The following IRS1 variants were observed in gnomAD, a reference collection of about 807,000 sequenced individuals.
The protein encoded by IRS1 is insulin receptor substrate 1.
In IRS1, 34 loss-of-function variants were observed where a neutral mutation model predicts 65.6. The observed-to-expected ratio is 0.52, with a 90% CI of 0.39 to 0.69. The LOEUF (loss-of-function observed/expected upper bound fraction) is 0.69, where lower values mean the gene tolerates loss of function less well. Ranked by LOEUF, IRS1 falls within the 30% of genes least tolerant of loss-of-function variation. The pLI is 0.00. For missense variants in IRS1, 1,641 were observed against 1,720.2 expected, an observed-to-expected ratio of 0.95 and a Z score of 0.81; for synonymous variants, 699 against 683.5, an observed-to-expected ratio of 1.02 and a Z score of -0.35.
intron 1 of IRS1, among the ~76,000 whole-genome samples, chr2:226,758,451 C>G (rs1205301676): frequency 1.3e-5 from 2 of 152,018 alleles, no homozygotes; most frequent in Non-Finnish European, 2.9e-5. Context: ...GTCATATTAC[C>G]TTTTAGCCTA....
intron 1 of IRS1, among the ~76,000 whole-genome samples, chr2:226,789,019 T>G (rs1010522133): frequency 9.9e-5 from 15 of 152,198 alleles, no homozygotes; most frequent in African/African-American, 3.4e-4. Context: ...TCAAGCATGA[T>G]TCACAAGAAG....
rs768132953 is a variant in IRS1 at position 226,798,357 on chromosome 2, CGAG to C, written c.379_381del (p.Leu127del). On this transcript the variant is annotated inframe_deletion, in exon 1 of 2. Transcript: ENST00000305123. This position sits in a 1 kb window ranked among gnomAD's most constrained non-coding sequence, Gnocchi z 9.4. ...CAGCTGCCCCCACCACCTCCCGCCC[CGAG>C]GGCCGCAGCTCCGTCGTGGTGGCCC... is the stretch of plus-strand genomic sequence containing the variant. The C allele has an allele frequency of 6.2e-7, 1 of 1,613,594 alleles. No homozygotes were observed. Among genetic ancestry groups the C allele is most frequent in the Admixed American group, 1.7e-5 (1 of 60,012 alleles).
At chr2:226,792,908 T>C (rs1286880114) in intron 1 of IRS1, among the ~76,000 whole-genome samples, 1 of 152,206 alleles carries the variant, frequency 6.6e-6, no homozygotes, top group Non-Finnish European at 1.5e-5. Context: ...CAGGTAGCAT[T>C]TGGTGCCTCA....
chr2:226,736,278 AC>A (rs1559145272), intron 1 of IRS1, 28 bp from the exon 2 acceptor site: 2 of 152,246 alleles, frequency 1.3e-5, no homozygotes, highest in Admixed American at 6.5e-5. Context: ...AGAATTCAGC[AC>A]CACAGGTATC....
chr2:226,799,087 G>T lies in IRS1; in HGVS notation c.-349C>A, dbSNP rs1232556021. ...GATGCATCTCTCGTCGCCCCGGCTG[G>T]AGTCCGGCACAGGGAGGCGACAGTC... On this transcript the variant is annotated 5_prime_UTR_variant, in exon 1 of 2. Coordinates refer to ENST00000305123, the MANE Select transcript of IRS1 (RefSeq NM_005544.3). The surrounding 1 kb of genome is among the most constrained non-coding windows in gnomAD (Gnocchi z 6.1). 8.1e-7 allele frequency: 1 copy of T among 1,232,872 alleles called. No homozygotes were observed. The highest frequency in any genetic ancestry group is 1.8e-5 in the South Asian group (1 of 55,206). The allele number at this position is 1,232,872 out of a possible 1,614,324, so 76.4% of individuals were successfully genotyped here. A position where few individuals can be genotyped will look rare whatever the true frequency, so the allele number is the denominator to read the frequency against.
intron 1 of IRS1, among the ~76,000 whole-genome samples, chr2:226,766,139 A>T (rs1559151913): frequency 1.3e-3 from 4 of 3,118 alleles, no homozygotes; most frequent in Admixed American, 6.0e-3. Flanking sequence ...ATATATATAT[A>T]TATATATATA....
Position 226,798,994 on chromosome 2 carries a change from G to C in IRS1, c.-256C>G. On this transcript the variant is annotated 5_prime_UTR_variant, in exon 1 of 2. Coordinates refer to ENST00000305123, the MANE Select transcript of IRS1 (RefSeq NM_005544.3). This position sits in a 1 kb window ranked among gnomAD's most constrained non-coding sequence, Gnocchi z 9.4. ...GGCGGGGAGGCAGTGCGTCCGGGGTGAGGGCAGCCCCGATCCTCCGAGAGC... is the reference window on the plus strand; with the variant it reads ...GGCGGGGAGGCAGTGCGTCCGGGGTCAGGGCAGCCCCGATCCTCCGAGAGC... 1 of 1,436,086 alleles carries C rather than the reference G, an allele frequency of 7.0e-7. No individual in the cohort carries two copies. The allele number at this position is 1,436,086 out of a possible 1,614,324, so 89.0% of individuals were successfully genotyped here.
At chr2:226,759,060 G>A (rs1327204740) in intron 1 of IRS1, among the ~76,000 whole-genome samples, 1 of 152,192 alleles carries the variant, frequency 6.6e-6, no homozygotes, top group Non-Finnish European at 1.5e-5. Context: ...GGGGGATAAT[G>A]AAAAAATCGG....
At chr2:226,741,824 CACATAA>C (rs956152225) in intron 1 of IRS1, among the ~76,000 whole-genome samples, 3 of 131,740 alleles carry the variant, frequency 2.3e-5, no homozygotes, top group African/African-American at 8.4e-5. Context: ...CACACACACA[CACATAA>C]CACACACACA....
chr2:226,793,417 T>G (rs751000180), intron 1 of IRS1, among the ~76,000 whole-genome samples: 1 of 152,230 alleles, frequency 6.6e-6, no homozygotes, highest in Non-Finnish European at 1.5e-5. Flanking sequence ...CTACTGATGT[T>G]GATATACACA....
chr2:226,758,562 G>T (rs1242888113), intron 1 of IRS1, among the ~76,000 whole-genome samples: 1 of 151,962 alleles, frequency 6.6e-6, no homozygotes. Context: ...CTTATTAGAG[G>T]GTTAAACTTT....
At chr2:226,778,502 T>G (rs1319316073) in intron 1 of IRS1, among the ~76,000 whole-genome samples, 4 of 152,060 alleles carry the variant, frequency 2.6e-5, no homozygotes, top group Admixed American at 1.3e-4. Context: ...TTCAAGATAG[T>G]CTTTCCTCCC....
intron 1 of IRS1, among the ~76,000 whole-genome samples, chr2:226,747,133 G>A (rs1183485459): frequency 6.6e-6 from 1 of 152,026 alleles, no homozygotes. Context: ...ATTATTGCAG[G>A]GTTGAGCTGC....
intron 1 of IRS1, among the ~76,000 whole-genome samples, chr2:226,751,576 C>G (rs969335058): frequency 6.6e-5 from 10 of 152,084 alleles, no homozygotes; most frequent in African/African-American, 2.4e-4. Context: ...AGCCACCGCG[C>G]CCGGCCGGGT....
In IRS1 at chr2:226,732,504, ATATGTGTAT is replaced by A; in HGVS notation, c.*3759_*3767del. ...TATATATATATATACACACACACAC[ATATGTGTAT>A]CTATATATGTGTGTATATATATCTA... On this transcript the variant is annotated 3_prime_UTR_variant, in exon 2 of 2. Coordinates refer to ENST00000305123, the MANE Select transcript of IRS1 (RefSeq NM_005544.3). 6.7e-6 allele frequency: 1 copy of A among 148,706 alleles called. No homozygotes were observed. The highest frequency in any genetic ancestry group is 6.8e-5 in the Admixed American group (1 of 14,762). 9.2% of individuals were successfully genotyped at this position (148,706 alleles called of 1,614,324 possible). A position where few individuals can be genotyped will look rare whatever the true frequency, so the allele number is the denominator to read the frequency against.
chr2:226,786,975 C>T (rs1003723502), intron 1 of IRS1, among the ~76,000 whole-genome samples: 1 of 151,960 alleles, frequency 6.6e-6, no homozygotes, highest in African/African-American at 2.4e-5. Flanking sequence ...ATAAAAACCA[C>T]CCACCCAAAG....
At chr2:226,774,531 C>G (rs925546692) in intron 1 of IRS1, among the ~76,000 whole-genome samples, 2 of 151,834 alleles carry the variant, frequency 1.3e-5, no homozygotes, top group East Asian at 3.9e-4. Context: ...GTAAAAAAAA[C>G]AAGCAAACAA....
intron 1 of IRS1, among the ~76,000 whole-genome samples, chr2:226,751,709 C>A (rs1255344875): frequency 6.6e-6 from 1 of 152,090 alleles, no homozygotes; most frequent in Non-Finnish European, 1.5e-5. Flanking sequence ...TATCTCTTTA[C>A]AAAATGAATG....
intron 1 of IRS1, among the ~76,000 whole-genome samples, chr2:226,766,155 A>AT (rs1247603503): frequency 3.6e-4 from 2 of 5,510 alleles, no homozygotes; most frequent in Non-Finnish European, 8.0e-4. Flanking sequence ...ATATATATAT[A>AT]TATATATATT....
Sources: gnomAD v4.1 joint callset for allele counts (sites outside exome capture counted in the v4.1 genomes callset) on GRCh38, gnomAD v4.1.1 for gene constraint, Gnocchi (gnomAD v3.1) non-coding constraint, MANE v1.5 for transcripts, NCBI Gene and HGNC (gene_info 2026-07-23, HGNC 2026-07-21) for gene names.